Variants in TRNT1 observed in about 807,000 individuals in gnomAD.
TRNT1 encodes CCA tRNA nucleotidyltransferase 1, mitochondrial.
A neutral mutation model predicts 45.6 loss-of-function variants in TRNT1; 44 were observed. That is an observed-to-expected ratio of 0.97 (90% CI 0.76 to 1.24). The LOEUF (loss-of-function observed/expected upper bound fraction) is 1.24. TRNT1 is among the 50% of genes most tolerant of loss of function. The probability of loss-of-function intolerance (pLI) is 0.00; values close to 1 mark genes in which losing one functional copy is unlikely to be tolerated. For missense variants in TRNT1, 633 were observed against 504.4 expected, an observed-to-expected ratio of 1.25 and a Z score of -2.44; for synonymous variants, 201 against 171.4, an observed-to-expected ratio of 1.17 and a Z score of -1.35.
chr3:3,137,533 A>G (rs1705402446), intron 3 of TRNT1, 80 bp downstream of exon 3: 7 of 1,254,852 alleles, frequency 5.6e-6, no homozygotes, highest in Non-Finnish European at 7.7e-6. Context: ...TTAAAAGCAA[A>G]TAACGAAAAG....
In TRNT1 at chr3:3,148,498, AAAACGTTTATTGTTTGTTTGC is replaced by A. The variant is rs1224478963; in HGVS notation, c.*347_*367del. On this transcript the variant is annotated 3_prime_UTR_variant, in exon 8 of 8. Transcript: ENST00000251607. ...AAAAAGTGGTAACTGTCTTGAAGAA[AAAACGTTTATTGTTTGTTTGC>A]AATTGAAATAACAGGGTTACCTTAA... is the stretch of plus-strand genomic sequence containing the variant. 1.2e-5 allele frequency: 2 copies of A among 163,474 alleles called. No homozygotes were observed. Among genetic ancestry groups the A allele is most frequent in the African/African-American group, 4.8e-5 (2 of 41,842 alleles). The allele number at this position is 163,474 out of a possible 1,614,324, so 10.1% of individuals were successfully genotyped here.
At chr3:3,145,917 G>T (rs1213619319) in intron 5 of TRNT1, among the ~76,000 whole-genome samples, 1 of 151,714 alleles carries the variant, frequency 6.6e-6, no homozygotes, top group African/African-American at 2.4e-5. Context: ...CCAGTTCTAA[G>T]ATTCCGCGAA....
downstream of TRNT1, chr3:3,152,737 A>T: frequency 1.0e-6 from 1 of 967,686 alleles, no homozygotes; most frequent in South Asian, 1.5e-5. Context: ...GGATCTTAGT[A>T]TGAAAATGGG....
Position 3,148,245 on chromosome 3 carries a change from A to AAAAG in TRNT1, c.*93_*96dup, listed in dbSNP as rs1234334912. ...GAGGTTTTAGAGACTACACCAGAAT[A>AAAAG]AAAGACAGTTTAGGGGACCTCTGTA... On this transcript the variant is annotated 3_prime_UTR_variant, in exon 8 of 8. Transcript: ENST00000251607. 5 of 1,434,182 alleles carry AAAAG rather than the reference A, an allele frequency of 3.5e-6. No homozygotes were observed. Among genetic ancestry groups the AAAAG allele is most frequent in the Non-Finnish European group, 4.7e-6 (5 of 1,059,574 alleles). 88.8% of individuals were successfully genotyped at this position (1,434,182 alleles called of 1,614,324 possible). A position where few individuals can be genotyped will look rare whatever the true frequency, so the allele number is the denominator to read the frequency against.
intron 1 of TRNT1, among the ~76,000 whole-genome samples, 163 bp from the exon 2 acceptor site, chr3:3,128,851 A>G (rs931498080): frequency 3.9e-5 from 6 of 152,216 alleles, no homozygotes; most frequent in Non-Finnish European, 4.4e-5. Context: ...AGGTAGATAC[A>G]TAGACCTAGT....
intron 4 of TRNT1, among the ~76,000 whole-genome samples, chr3:3,144,047 CTT>C (rs1472716405): frequency 6.6e-6 from 1 of 152,020 alleles, no homozygotes; most frequent in Non-Finnish European, 1.5e-5. Flanking sequence ...TCACTTATGA[CTT>C]TGTGTGTGAT....
At chr3:3,144,455 G>A (rs150731252) in intron 4 of TRNT1, 129 bp from the exon 5 acceptor site, 8 of 819,466 alleles carry the variant, frequency 9.8e-6, no homozygotes, top group East Asian at 2.8e-5. Flanking sequence ...GTATGAATAC[G>A]TATGTGTTTT....
At chr3:3,132,682 T>A (rs1384067531) in intron 2 of TRNT1, among the ~76,000 whole-genome samples, 46 of 94,954 alleles carry the variant, frequency 4.8e-4, no homozygotes, top group African/African-American at 6.0e-4. Flanking sequence ...TAGAGTATAA[T>A]AAAAAAAAAA....
chr3:3,147,415 C>T (rs1458239399), intron 6 of TRNT1, 35 bp from the exon 7 acceptor site: 1 of 1,605,138 alleles, frequency 6.2e-7, no homozygotes, highest in Non-Finnish European at 8.5e-7. Context: ...TTTATCCCCA[C>T]TAAAAACAGG....
chr3:3,129,595 G>A (rs557330819), intron 2 of TRNT1: 1 of 483,056 alleles, frequency 2.1e-6, no homozygotes, highest in African/African-American at 1.9e-5. Context: ...AAAAGAGAAA[G>A]GAATATTAAA....
chr3:3,147,111 C>T (rs1706086109), intron 6 of TRNT1, among the ~76,000 whole-genome samples: 1 of 152,080 alleles, frequency 6.6e-6, no homozygotes, highest in Non-Finnish European at 1.5e-5. Flanking sequence ...ATTTCAGTAA[C>T]ATTACTGAAT....
chr3:3,134,667 C>T (rs1159792167), intron 2 of TRNT1, among the ~76,000 whole-genome samples: 2 of 151,774 alleles, frequency 1.3e-5, no homozygotes, highest in Admixed American at 6.6e-5. Context: ...TACTTGATAC[C>T]GTTTTAAGAA....
chr3:3,150,077 C>G (rs1360295093), downstream of TRNT1: 1 of 152,080 alleles, frequency 6.6e-6, no homozygotes, highest in African/African-American at 2.4e-5. Context: ...CAAAATAATA[C>G]AGTATCAAGT....
intron 1 of TRNT1, 157 bp downstream of exon 1, chr3:3,127,147 C>T (rs1704632779): frequency 6.6e-6 from 1 of 152,304 alleles, no homozygotes; most frequent in African/African-American, 2.4e-5. Flanking sequence ...GCAAAATAGC[C>T]CCGACGCGGA....
At chr3:3,136,170 A>T (rs914854814) in intron 2 of TRNT1, among the ~76,000 whole-genome samples, 5 of 152,144 alleles carry the variant, frequency 3.3e-5, no homozygotes, top group African/African-American at 1.2e-4. Context: ...TTAGGTGATT[A>T]CAGAGTTGTC....
rs757729538 is a variant in TRNT1, at chr3:3,129,117, A to G, written c.77A>G (p.Tyr26Cys). Residue 26 changes from tyrosine (Y) to cysteine (C), a missense_variant, in exon 2 of 8, where the codon TAT (tyrosine) becomes TGT (cysteine). Coordinates refer to ENST00000251607, the MANE Select transcript of TRNT1 (RefSeq NM_182916.3). ...RWSRLCLPKQYLFTMKLQSPE... is the reference protein window; with the variant it reads ...RWSRLCLPKQCLFTMKLQSPE... ...AGTAGGCTGTGCCTTCCGAAGCAGT[A>G]TCTATTCACAATGAAGTTGCAGTCT... 4.3e-6 allele frequency: 7 copies of G among 1,613,858 alleles called. No individual in the cohort carries two copies. The highest frequency in any genetic ancestry group is 4.2e-6 in the Non-Finnish European group (5 of 1,179,844).
chr3:3,146,484 A>G lies in TRNT1; in HGVS notation c.663A>G (p.Glu221=). The G allele has an allele frequency of 5.6e-6, 9 of 1,613,974 alleles. No individual in the cohort carries two copies. Among genetic ancestry groups the G allele is most frequent in the Non-Finnish European group, 7.6e-6 (9 of 1,179,930 alleles). ...KPGDHDPETL[E]AIAENAKGLA... ...GTGACCATGATCCTGAGACTTTGGA[A>G]GCAATTGCAGAAAATGCAAAAGGCT... The change falls in exon 6 of 8, where the codon GAA becomes GAG. Residue 221 remains glutamate (E), a synonymous_variant. Transcript: ENST00000251607.
intron 3 of TRNT1, 58 bp from the exon 4 acceptor site, chr3:3,140,452 T>A: frequency 1.9e-6 from 3 of 1,566,872 alleles, no homozygotes; most frequent in Non-Finnish European, 2.6e-6. Flanking sequence ...TTTTTTCAAT[T>A]CAGTAGTATG....
chr3:3,138,389 A>G (rs896324715), intron 3 of TRNT1, among the ~76,000 whole-genome samples: 4 of 152,188 alleles, frequency 2.6e-5, no homozygotes, highest in African/African-American at 9.6e-5. Context: ...TCTTTTGTTT[A>G]AAAACCTGAT....
Sources: allele counts gnomAD v4.1 joint callset (sites outside exome capture counted in the v4.1 genomes callset), GRCh38; gene constraint gnomAD v4.1.1; transcripts MANE v1.5; gene names NCBI Gene and HGNC (gene_info 2026-07-23, HGNC 2026-07-21).